Variants in CCDC172 observed in about 807,000 individuals in gnomAD.
CCDC172 encodes coiled-coil domain-containing protein 172.
CCDC172 carries 30 observed loss-of-function variants against 38.0 expected under a neutral mutation model. That is an observed-to-expected ratio of 0.79 (90% confidence interval 0.59 to 1.07). CCDC172 has a LOEUF of 1.07. Among genes scored for constraint, CCDC172 ranks in the 50% least tolerant of loss-of-function variants. The probability of loss-of-function intolerance (pLI) is 0.00; values close to 1 mark genes in which losing one functional copy is unlikely to be tolerated. For synonymous variants in CCDC172, 78 were observed against 88.3 expected (o/e 0.88, Z 0.66); for missense variants, 297 against 290.1 (o/e 1.02, Z -0.17).
At chr10:116,326,589 C>A (rs1201595835) in intron 3 of CCDC172, among the ~76,000 whole-genome samples, 1 of 152,108 alleles carries the variant, frequency 6.6e-6, no homozygotes, top group Non-Finnish European at 1.5e-5. Flanking sequence ...ACCAATAAAG[C>A]CTTCTTTATT....
intron 5 of CCDC172, among the ~76,000 whole-genome samples, chr10:116,343,532 T>TAAA (rs201160691): frequency 1.0e-4 from 14 of 136,602 alleles, no homozygotes; most frequent in African/African-American, 3.7e-4. Context: ...TTTTTTTTTT[T>TAAA]AAAAAAATAT....
At chr10:116,344,208 G>A (rs1355820366) in intron 5 of CCDC172, among the ~76,000 whole-genome samples, 2 of 152,160 alleles carry the variant, frequency 1.3e-5, no homozygotes, top group Admixed American at 1.3e-4. Context: ...TTGCAATCAT[G>A]CATCACTTTA....
intron 1 of CCDC172, 101 bp from the exon 2 acceptor site, chr10:116,324,846 G>A (rs2134894651): frequency 1.6e-6 from 1 of 625,452 alleles, no homozygotes; most frequent in Non-Finnish European, 2.8e-6. Context: ...ACCGTCTGGC[G>A]TCGGGCTCCA....
intron 3 of CCDC172, among the ~76,000 whole-genome samples, chr10:116,332,209 A>C (rs1331808150): frequency 2.0e-5 from 3 of 152,184 alleles, no homozygotes; most frequent in Non-Finnish European, 4.4e-5. Context: ...TTCTTGCATG[A>C]AGATTTCCCT....
intron 7 of CCDC172, among the ~76,000 whole-genome samples, chr10:116,360,925 T>C (rs1314049446): frequency 6.6e-6 from 1 of 152,130 alleles, no homozygotes; most frequent in Non-Finnish European, 1.5e-5. Context: ...ATATCAGTAA[T>C]AAATGTGACA....
chr10:116,361,025 C>A (rs182887375), intron 7 of CCDC172, among the ~76,000 whole-genome samples: 38 of 148,110 alleles, frequency 2.6e-4, no homozygotes, highest in African/African-American at 7.8e-4. Context: ...TCTGTAAACC[C>A]CCAAACCTAT....
intron 7 of CCDC172, among the ~76,000 whole-genome samples, chr10:116,359,086 T>G (rs763558055): frequency 5.3e-5 from 8 of 152,216 alleles, no homozygotes; most frequent in Non-Finnish European, 1.0e-4. Context: ...ATGCCAATAT[T>G]TATCAATTCC....
chr10:116,330,159 C>T (rs1204797548), intron 3 of CCDC172, among the ~76,000 whole-genome samples: 2 of 152,122 alleles, frequency 1.3e-5, no homozygotes, highest in Admixed American at 1.3e-4. Context: ...TCAAGGCAAA[C>T]ATCTGACATT....
chr10:116,369,591 G>A (rs888391308), intron 7 of CCDC172, among the ~76,000 whole-genome samples: 2 of 151,876 alleles, frequency 1.3e-5, no homozygotes, highest in Admixed American at 1.3e-4. Flanking sequence ...TGTAATAGAT[G>A]TACTACAGTT....
At chr10:116,329,190 T>C (rs754260092) in intron 3 of CCDC172, among the ~76,000 whole-genome samples, 11 of 152,164 alleles carry the variant, frequency 7.2e-5, no homozygotes, top group Non-Finnish European at 1.3e-4. Context: ...AAGAAAGCCT[T>C]ATCATGTTTG....
intron 3 of CCDC172, among the ~76,000 whole-genome samples, chr10:116,326,352 G>T (rs1844593046): frequency 6.6e-6 from 1 of 152,140 alleles, no homozygotes; most frequent in South Asian, 2.1e-4. Context: ...CCTCGCTATG[G>T]GTGGGGACAG....
intron 3 of CCDC172, among the ~76,000 whole-genome samples, chr10:116,328,148 C>T (rs1447900981): frequency 2.0e-5 from 3 of 151,886 alleles, no homozygotes; most frequent in Admixed American, 6.6e-5. Context: ...ATGTAAAACC[C>T]GGATAGCATG....
At chr10:116,349,704 T>C (rs1293055060) in intron 5 of CCDC172, among the ~76,000 whole-genome samples, 1 of 152,174 alleles carries the variant, frequency 6.6e-6, no homozygotes, top group Non-Finnish European at 1.5e-5. Context: ...GCACTTTTTG[T>C]GTATCAGGCA....
At chr10:116,358,036 T>G in intron 7 of CCDC172, 98 bp downstream of exon 7, 1 of 666,414 alleles carries the variant, frequency 1.5e-6, no homozygotes, top group Non-Finnish European at 2.6e-6. Context: ...TAATTTGAAG[T>G]TCCAGATGAG....
intron 3 of CCDC172, 59 bp downstream of exon 3, chr10:116,325,447 T>C (rs1844579912): frequency 7.5e-7 from 1 of 1,330,748 alleles, no homozygotes; most frequent in Admixed American, 1.9e-5. Context: ...AACTTGACTT[T>C]TGGGGGATAT....
At chr10:116,372,809 A>G (rs1374671359) in intron 7 of CCDC172, among the ~76,000 whole-genome samples, 2 of 152,202 alleles carry the variant, frequency 1.3e-5, no homozygotes. Flanking sequence ...CATTATATAC[A>G]AAGGAATGAA....
intron 3 of CCDC172, among the ~76,000 whole-genome samples, chr10:116,335,905 A>G (rs1844725830): frequency 6.6e-6 from 1 of 151,998 alleles, no homozygotes; most frequent in Non-Finnish European, 1.5e-5. Flanking sequence ...GGTGGCTCAC[A>G]TCTGTATTCC....
chr10:116,367,477 CA>C (rs1356802139), intron 7 of CCDC172, among the ~76,000 whole-genome samples: 1 of 152,036 alleles, frequency 6.6e-6, no homozygotes, highest in Non-Finnish European at 1.5e-5. Flanking sequence ...ATCACAAGGT[CA>C]GGGGATCGAG....
At chr10:116,372,862 C>T (rs1186206160) in intron 7 of CCDC172, among the ~76,000 whole-genome samples, 1 of 152,030 alleles carries the variant, frequency 6.6e-6, no homozygotes, top group Admixed American at 6.5e-5. Context: ...TCATGCAAAC[C>T]AGAAGACAAG....
Sources: allele counts gnomAD v4.1 joint callset (sites outside exome capture counted in the v4.1 genomes callset), GRCh38; gene constraint gnomAD v4.1.1; transcripts MANE v1.5; gene names NCBI Gene and HGNC (gene_info 2026-07-23, HGNC 2026-07-21).